The following RALGAPA2 variants were observed in gnomAD, a reference collection of about 807,000 sequenced individuals.
The protein encoded by RALGAPA2 is ral GTPase-activating protein subunit alpha-2.
In RALGAPA2, 139 loss-of-function variants were observed where a neutral mutation model predicts 230.4. That is an observed-to-expected ratio of 0.60 (90% confidence interval 0.53 to 0.69). The LOEUF is 0.69. Among genes scored for constraint, RALGAPA2 ranks in the 30% least tolerant of loss-of-function variants. The pLI is 0.00. For missense variants in RALGAPA2, 2,163 were observed against 2,276.0 expected (o/e 0.95, Z 1.01); for synonymous variants, 847 against 837.8 (o/e 1.01, Z -0.19).
intron 36 of RALGAPA2, among the ~76,000 whole-genome samples, chr20:20,487,138 T>G (rs2061932290): frequency 6.6e-6 from 1 of 152,236 alleles, no homozygotes; most frequent in South Asian, 2.1e-4. Context: ...TACTTTTTGT[T>G]GAAAGCTGGA....
chr20:20,466,453 T>C (rs2061423416), intron 37 of RALGAPA2, among the ~76,000 whole-genome samples: 2 of 152,240 alleles, frequency 1.3e-5, no homozygotes. Flanking sequence ...TTCTATTCAC[T>C]GGTCACAGTT....
chr20:20,665,493 G>A (rs921418915), intron 3 of RALGAPA2, among the ~76,000 whole-genome samples: 18 of 152,306 alleles, frequency 1.2e-4, no homozygotes, highest in African/African-American at 2.6e-4. Flanking sequence ...GGTATATCCC[G>A]TTGGGTCAAT....
rs191703015 is a variant in RALGAPA2, at chr20:20,559,231, C to T, written c.3156+12227G>A. 1.6e-3 allele frequency among the ~76,000 whole-genome samples: 247 copies of T among 152,244 alleles called. 1 individual carries two copies. The highest frequency in any genetic ancestry group is 2.3e-3 in the Non-Finnish European group (154 of 68,026). On this transcript the variant is annotated intron_variant, in intron 23 of 39. Coordinates refer to ENST00000202677, the MANE Select transcript of RALGAPA2 (RefSeq NM_020343.4). ...TGTTCTGCAAAAAAACAGAGGGCAA[C>T]CCTGTGGTCATTCAATTTTGGGACT... is the stretch of plus-strand genomic sequence containing the variant.
At chr20:20,467,830 CT>C (rs1310975632) in intron 37 of RALGAPA2, among the ~76,000 whole-genome samples, 1 of 152,156 alleles carries the variant, frequency 6.6e-6, no homozygotes, top group Non-Finnish European at 1.5e-5. Flanking sequence ...CAGGCCTCCC[CT>C]TTTTCTTTCT....
At chr20:20,548,298 T>A (rs1035627921) in intron 23 of RALGAPA2, among the ~76,000 whole-genome samples, 1 of 152,210 alleles carries the variant, frequency 6.6e-6, no homozygotes, top group African/African-American at 2.4e-5. Context: ...ATAATAAAAA[T>A]TACCTCATTT....
At chr20:20,590,373 C>A (rs1390920888) in intron 17 of RALGAPA2, among the ~76,000 whole-genome samples, 1 of 152,076 alleles carries the variant, frequency 6.6e-6, no homozygotes, top group Non-Finnish European at 1.5e-5. Context: ...TTTTCTGAAG[C>A]TTTTACTGTA....
chr20:20,506,068 TC>T (rs1258657397), intron 33 of RALGAPA2, among the ~76,000 whole-genome samples: 5 of 152,178 alleles, frequency 3.3e-5, no homozygotes, highest in Non-Finnish European at 7.3e-5. Flanking sequence ...AGAAGATCCT[TC>T]CAAGCGAACA....
At chr20:20,560,197 T>C (rs1204019178) in intron 23 of RALGAPA2, among the ~76,000 whole-genome samples, 1 of 152,008 alleles carries the variant, frequency 6.6e-6, no homozygotes, top group African/African-American at 2.4e-5. Context: ...AGCAAATAGG[T>C]GGCACAAGGC....
chr20:20,456,684 C>A (rs2061128668), intron 37 of RALGAPA2, among the ~76,000 whole-genome samples: 1 of 152,182 alleles, frequency 6.6e-6, no homozygotes, highest in Non-Finnish European at 1.5e-5. Context: ...CTGGCCAGCC[C>A]CAAGCTGTTC....
intron 5 of RALGAPA2, among the ~76,000 whole-genome samples, chr20:20,641,381 A>T (rs2067025360): frequency 6.6e-6 from 1 of 152,230 alleles, no homozygotes; most frequent in South Asian, 2.1e-4. Context: ...TACATGTGCT[A>T]TCACTATAAT....
At chr20:20,584,844 C>A in intron 19 of RALGAPA2, 21 bp downstream of exon 19, 1 of 1,533,808 alleles carries the variant, frequency 6.5e-7, no homozygotes, top group South Asian at 1.1e-5. Context: ...GTTGGAGGAA[C>A]AGACATTTCC....
chr20:20,615,905 T>TGTTTTG, intron 13 of RALGAPA2, 138 bp downstream of exon 13: 1 of 617,710 alleles, frequency 1.6e-6, no homozygotes, highest in Non-Finnish European at 2.5e-6. Context: ...TTCTTCATAA[T>TGTTTTG]TCACAGAAAC....
chr20:20,682,705 G>C (rs906432777), intron 1 of RALGAPA2, among the ~76,000 whole-genome samples: 1 of 152,110 alleles, frequency 6.6e-6, no homozygotes, highest in Non-Finnish European at 1.5e-5. Context: ...AGTCTATCTC[G>C]TGAATCATTA....
chr20:20,605,798 G>A (rs994399600), intron 14 of RALGAPA2, among the ~76,000 whole-genome samples: 1 of 152,094 alleles, frequency 6.6e-6, no homozygotes, highest in Non-Finnish European at 1.5e-5. Context: ...AATCCTCCCT[G>A]ACTTTGAGCA....
intron 37 of RALGAPA2, among the ~76,000 whole-genome samples, chr20:20,467,051 G>A (rs562589751): frequency 1.1e-4 from 16 of 152,176 alleles, no homozygotes; most frequent in Non-Finnish European, 2.2e-4. Flanking sequence ...ACTGGAAGAC[G>A]GGTTAACAGC....
In RALGAPA2 at chr20:20,513,090, G is replaced by A; in HGVS notation, c.4279C>T (p.Gln1427Ter). The A allele has an allele frequency of 6.2e-7, 1 of 1,601,490 alleles. No individual in the cohort carries two copies. The highest frequency in any genetic ancestry group is 8.5e-7 in the Non-Finnish European group (1 of 1,174,666). ...GTGCTATCATTAAATACAAACAGCTGCAGGTTTGGACTTCTGAACACCTCA... is the reference window on the plus strand; with the variant it reads ...GTGCTATCATTAAATACAAACAGCTACAGGTTTGGACTTCTGAACACCTCA... ...SFEVFRSPNL[Q>*]LFVFNDSTLI... The change falls in exon 32 of 40, where the codon CAG (glutamine) becomes TAG (stop). Residue 1427 changes from glutamine (Q) to a stop codon, truncating the protein, a stop_gained. Transcript: ENST00000202677. LOFTEE classifies it high-confidence loss of function.
intron 26 of RALGAPA2, among the ~76,000 whole-genome samples, chr20:20,534,362 G>A (rs1318514683): frequency 3.3e-5 from 5 of 151,780 alleles, no homozygotes; most frequent in Non-Finnish European, 7.4e-5. Flanking sequence ...GGAGAATGGC[G>A]TGAACCCGGG....
chr20:20,440,299 G>A (rs1164611701), intron 37 of RALGAPA2, among the ~76,000 whole-genome samples: 1 of 152,164 alleles, frequency 6.6e-6, no homozygotes, highest in Non-Finnish European at 1.5e-5. Context: ...GTATGGTGAC[G>A]ACTTGGAATT....
chr20:20,508,074 C>T (rs192256478), intron 33 of RALGAPA2, among the ~76,000 whole-genome samples: 1 of 152,310 alleles, frequency 6.6e-6, no homozygotes, highest in Non-Finnish European at 1.5e-5. Context: ...CTTGAGCCCT[C>T]ATTAACTCAA....
Sources: allele counts gnomAD v4.1 joint callset (sites outside exome capture counted in the v4.1 genomes callset), GRCh38; gene constraint gnomAD v4.1.1; transcripts MANE v1.5; gene names NCBI Gene and HGNC (gene_info 2026-07-23, HGNC 2026-07-21).